Variants in CACNB4 observed in about 807,000 individuals in gnomAD.
CACNB4 encodes voltage-dependent L-type calcium channel subunit beta-4.
Under a neutral mutation model 71.2 loss-of-function variants are expected in CACNB4, and 32 were observed. The observed-to-expected ratio is 0.45, with a 90% CI of 0.34 to 0.60. The LOEUF is 0.60. Ranked by LOEUF, CACNB4 falls within the 20% of genes least tolerant of loss-of-function variation. The pLI is 0.01. For missense variants in CACNB4, 464 were observed against 647.9 expected, an observed-to-expected ratio of 0.72 and a Z score of 3.08; for synonymous variants, 231 against 236.9, an observed-to-expected ratio of 0.97 and a Z score of 0.23.
chr2:152,055,222 G>A (rs1416365679), intron 2 of CACNB4, among the ~76,000 whole-genome samples: 1 of 152,204 alleles, frequency 6.6e-6, no homozygotes, highest in Non-Finnish European at 1.5e-5. Flanking sequence ...ATGTTGGCCA[G>A]GCTGGTCTGG....
intron 2 of CACNB4, among the ~76,000 whole-genome samples, chr2:151,921,138 A>AAAATAAATAAATAAAT (rs70974809): frequency 2.2e-5 from 3 of 137,560 alleles, no homozygotes; most frequent in Admixed American, 7.3e-5. Flanking sequence ...CTCCGTCTCA[A>AAAATAAATAAATAAAT]AAATAAATAA....
At chr2:152,044,194 T>C (rs1463200213) in intron 2 of CACNB4, among the ~76,000 whole-genome samples, 1 of 152,222 alleles carries the variant, frequency 6.6e-6, no homozygotes, top group Non-Finnish European at 1.5e-5. Flanking sequence ...AATGCACTTC[T>C]TTTAAAACAG....
intron 2 of CACNB4, among the ~76,000 whole-genome samples, chr2:151,933,641 TC>T (rs1414543157): frequency 6.6e-6 from 1 of 152,140 alleles, no homozygotes; most frequent in Non-Finnish European, 1.5e-5. Context: ...CTACTTCTAC[TC>T]AGGCTCCCCC....
chr2:152,071,897 G>A (rs1201075281), intron 2 of CACNB4, among the ~76,000 whole-genome samples: 1 of 152,158 alleles, frequency 6.6e-6, no homozygotes. Flanking sequence ...AAACATCAAT[G>A]TAAACCACTC....
chr2:151,947,221 G>T (rs923085006), intron 2 of CACNB4, among the ~76,000 whole-genome samples: 15 of 152,218 alleles, frequency 9.9e-5, no homozygotes, highest in African/African-American at 3.6e-4. Flanking sequence ...AAACAACAGG[G>T]ATGGGGCTAT....
intron 2 of CACNB4, among the ~76,000 whole-genome samples, chr2:152,030,360 T>G (rs543955010): frequency 6.6e-6 from 1 of 152,388 alleles, no homozygotes; most frequent in East Asian, 1.9e-4. Flanking sequence ...TCACTATGTA[T>G]AGATGAAATT....
chr2:152,021,921 C>T (rs1193343220), intron 2 of CACNB4, among the ~76,000 whole-genome samples: 1 of 152,144 alleles, frequency 6.6e-6, no homozygotes, highest in East Asian at 1.9e-4. Context: ...AAGATTTTCT[C>T]TACTAGAATA....
intron 2 of CACNB4, among the ~76,000 whole-genome samples, chr2:152,041,254 T>G (rs1224089607): frequency 6.6e-6 from 1 of 152,212 alleles, no homozygotes; most frequent in Non-Finnish European, 1.5e-5. Context: ...AACTTTTCAC[T>G]GCAGAATCCT....
chr2:151,855,954 G>A (rs540023584), intron 10 of CACNB4, among the ~76,000 whole-genome samples: 5 of 151,458 alleles, frequency 3.3e-5, no homozygotes, highest in East Asian at 1.9e-4. Flanking sequence ...ATTTAAGTAC[G>A]AAAGCCAATG....
chr2:152,091,043 C>CAAAAAAAAAAA (rs747321169), intron 2 of CACNB4, among the ~76,000 whole-genome samples: 1 of 122,280 alleles, frequency 8.2e-6, no homozygotes. Context: ...GACTCCATCT[C>CAAAAAAAAAAA]AAAAAAAAAA....
At chr2:152,090,164 T>G (rs963048856) in intron 2 of CACNB4, among the ~76,000 whole-genome samples, 2 of 152,158 alleles carry the variant, frequency 1.3e-5, no homozygotes, top group Admixed American at 1.3e-4. Flanking sequence ...AGACCCAGAT[T>G]TGAGTGGCCA....
intron 2 of CACNB4, among the ~76,000 whole-genome samples, chr2:152,090,033 C>T (rs1687884832): frequency 1.3e-5 from 2 of 152,172 alleles, no homozygotes; most frequent in South Asian, 4.1e-4. Flanking sequence ...AAGCTGTTCA[C>T]CCTGGTTAGG....
chr2:151,841,764 T>C, intron 13 of CACNB4, 139 bp downstream of exon 13: 1 of 677,056 alleles, frequency 1.5e-6, no homozygotes, highest in Non-Finnish European at 2.5e-6. Context: ...AATTAGATAA[T>C]ATTTAAGATT....
chr2:152,020,768 C>T (rs765352618), intron 2 of CACNB4, among the ~76,000 whole-genome samples: 2 of 152,004 alleles, frequency 1.3e-5, no homozygotes, highest in Admixed American at 6.6e-5. Context: ...AGGAGGAAGC[C>T]GGGGAAAGGA....
chr2:151,942,764 A>G (rs2099864585), intron 2 of CACNB4, among the ~76,000 whole-genome samples: 1 of 152,172 alleles, frequency 6.6e-6, no homozygotes, highest in East Asian at 1.9e-4. Flanking sequence ...GGACTGAGAT[A>G]TGCCATGATC....
chr2:151,917,811 G>A (rs560161184), intron 2 of CACNB4, among the ~76,000 whole-genome samples: 2 of 144,216 alleles, frequency 1.4e-5, no homozygotes, highest in African/African-American at 2.5e-5. Flanking sequence ...CTCCAGCCTA[G>A]GCGACAAAGT....
intron 2 of CACNB4, among the ~76,000 whole-genome samples, chr2:152,020,586 T>C (rs1683605277): frequency 6.6e-6 from 1 of 152,164 alleles, no homozygotes; most frequent in African/African-American, 2.4e-5. Flanking sequence ...AGTTAGTAGG[T>C]TTTTGTGTTT....
intron 2 of CACNB4, among the ~76,000 whole-genome samples, chr2:151,977,295 A>T (rs2099873988): frequency 6.6e-6 from 1 of 152,220 alleles, no homozygotes; most frequent in South Asian, 2.1e-4. Context: ...CATCATCTCT[A>T]TGATTCTGTT....
At chr2:151,928,158 A>C (rs1390979045) in intron 2 of CACNB4, among the ~76,000 whole-genome samples, 1 of 152,214 alleles carries the variant, frequency 6.6e-6, no homozygotes, top group African/African-American at 2.4e-5. Flanking sequence ...CTAAGTATGA[A>C]CAGCTATCTA....
Sources: allele counts gnomAD v4.1 joint callset (sites outside exome capture counted in the v4.1 genomes callset), GRCh38; gene constraint gnomAD v4.1.1; transcripts MANE v1.5; gene names NCBI Gene and HGNC (gene_info 2026-07-23, HGNC 2026-07-21).